CDKL5: variants seen among roughly 807,000 people sequenced by gnomAD.
The protein encoded by CDKL5 is cyclin dependent kinase like 5, also known as cyclin-dependent kinase-like 5.
Under a neutral mutation model 61.7 loss-of-function variants are expected in CDKL5, and 8 were observed. The ratio of observed to expected loss-of-function variants is 0.13; its 90% CI spans 0.08 to 0.23. The LOEUF is 0.23. Ranked by LOEUF, CDKL5 falls within the 10% of genes least tolerant of loss-of-function variation. CDKL5 has a pLI of 1.00. For missense variants in CDKL5, 440 were observed against 734.5 expected, an observed-to-expected ratio of 0.60 and a Z score of 4.63; for synonymous variants, 275 against 272.3, an observed-to-expected ratio of 1.01 and a Z score of -0.10.
intron 1 of CDKL5, among the ~76,000 whole-genome samples, chrX:18,463,130 G>A (rs1354181033): frequency 9.0e-6 from 1 of 110,515 alleles, no homozygotes; most frequent in African/African-American, 3.3e-5. Context: ...CTTGACAGCT[G>A]GCTGGTCAAG....
At chrX:18,441,977 C>T (rs190247866) in intron 1 of CDKL5, among the ~76,000 whole-genome samples, 20 of 111,275 alleles carry the variant, frequency 1.8e-4, no homozygotes, top group African/African-American at 6.2e-4. Flanking sequence ...ATGTGGAATC[C>T]TACCCCTCTC....
intron 15 of CDKL5, among the ~76,000 whole-genome samples, chrX:18,618,018 A>G (rs1190025313): frequency 8.9e-6 from 1 of 112,199 alleles, no homozygotes; most frequent in Admixed American, 9.4e-5. Context: ...TTCATCCTGC[A>G]TAGATTCTCC....
chrX:18,487,173 A>G (rs1921822689), intron 1 of CDKL5, among the ~76,000 whole-genome samples: 1 of 111,674 alleles, frequency 9.0e-6, no homozygotes, highest in Non-Finnish European at 1.9e-5. Context: ...CAGTGCTTTA[A>G]ATGATTACTG....
intron 8 of CDKL5, 37 bp downstream of exon 8, chrX:18,584,390 A>C (rs747862334): frequency 2.3e-6 from 2 of 860,868 alleles, no homozygotes; most frequent in Non-Finnish European, 3.5e-6. Flanking sequence ...ACATTTCCAC[A>C]TCTGCTGATT....
chrX:18,624,657 C>T (rs1926982588), intron 16 of CDKL5, among the ~76,000 whole-genome samples: 1 of 112,180 alleles, frequency 8.9e-6, no homozygotes, highest in African/African-American at 3.2e-5. Context: ...CATACTTTCT[C>T]ACTTTGCTAT....
At chrX:18,614,574 G>T in intron 15 of CDKL5, among the ~76,000 whole-genome samples, 1 of 112,228 alleles carries the variant, frequency 8.9e-6, no homozygotes, top group Admixed American at 9.4e-5. Context: ...GCCTGGCTCC[G>T]TAAGCATTCA....
downstream of CDKL5, chrX:18,642,163 A>G (rs1241552856): frequency 5.0e-6 from 6 of 1,210,090 alleles, no homozygotes; most frequent in African/African-American, 1.7e-5. Context: ...AGACCTAGAG[A>G]GATAGAGGAA....
chrX:18,639,553 G>C lies in CDKL5; in HGVS notation c.*10796G>C, dbSNP rs1927493921. Among the ~76,000 whole-genome samples the C allele has an allele frequency of 8.9e-6, 1 of 112,325 alleles. No homozygotes were observed. The highest frequency in any genetic ancestry group is 9.4e-5 in the Admixed American group (1 of 10,637). On this transcript the variant is annotated 3_prime_UTR_variant, in exon 18 of 18. Transcript: ENST00000623535. ...AAAGTGGAAGCCTCCTACATTGCTG[G>C]TGGAAATGTAAAATGATGCAGCCAC...
In CDKL5 at chrX:18,523,599, T is replaced by C. The variant is rs187451870; in HGVS notation, c.99+12745T>C. On this transcript the variant is annotated intron_variant, in intron 3 of 17. Transcript: ENST00000623535. ...TGTAATTAGACATCATCTATTACCA[T>C]TGAGTATTCGTGCTGTTACCTGTGG... Among the ~76,000 whole-genome samples the C allele has an allele frequency of 6.2e-5, 7 of 112,085 alleles. 1 individual carries two copies. Among genetic ancestry groups the C allele is most frequent in the Admixed American group, 5.7e-4 (6 of 10,535 alleles).
intron 1 of CDKL5, among the ~76,000 whole-genome samples, chrX:18,484,871 A>G (rs1334094553): frequency 9.3e-6 from 1 of 107,206 alleles, no homozygotes; most frequent in South Asian, 4.2e-4. Context: ...CGATCCTTCT[A>G]CCTCAGCCTC....
intron 3 of CDKL5, among the ~76,000 whole-genome samples, chrX:18,515,363 T>G (rs747562013): frequency 8.1e-5 from 9 of 111,663 alleles, no homozygotes; most frequent in Non-Finnish European, 1.5e-4. Flanking sequence ...TTATGAGAAG[T>G]TTTTGTTTGT....
chrX:18,491,266 A>G (rs769145203), intron 1 of CDKL5, among the ~76,000 whole-genome samples: 15 of 112,061 alleles, frequency 1.3e-4, no homozygotes, highest in Non-Finnish European at 2.6e-4. Context: ...TTTTGTGCTC[A>G]TTTTCAATTT....
chrX:18,520,976 C>T (rs527759764), intron 3 of CDKL5, among the ~76,000 whole-genome samples: 3 of 112,270 alleles, frequency 2.7e-5, no homozygotes, highest in African/African-American at 9.7e-5. Flanking sequence ...TGGCCTCCAG[C>T]GATCCACCTA....
intron 8 of CDKL5, among the ~76,000 whole-genome samples, chrX:18,586,223 C>T (rs1481904637): frequency 9.0e-6 from 1 of 111,505 alleles, no homozygotes; most frequent in Non-Finnish European, 1.9e-5. Flanking sequence ...GATTGATTTT[C>T]TTTGTGTTTG....
intron 1 of CDKL5, among the ~76,000 whole-genome samples, chrX:18,490,620 G>T (rs1013779231): frequency 9.0e-6 from 1 of 111,385 alleles, no homozygotes; most frequent in African/African-American, 3.3e-5. Flanking sequence ...TTAAAAAATT[G>T]TATCCTCTTT....
intron 4 of CDKL5, among the ~76,000 whole-genome samples, chrX:18,571,304 G>GTA (rs1364465184): frequency 9.0e-6 from 1 of 111,309 alleles, no homozygotes; most frequent in Non-Finnish European, 1.9e-5. Context: ...TCACTGTATT[G>GTA]TATACTATGC....
chrX:18,508,019 GACTCCTAAAAAAAA>G (rs1346359227), intron 2 of CDKL5, among the ~76,000 whole-genome samples: 2 of 110,946 alleles, frequency 1.8e-5, no homozygotes, highest in Non-Finnish European at 3.8e-5. Flanking sequence ...TGTATAAACT[GACTCCTAAAAAAAA>G]ATCATTTCTT....
intron 11 of CDKL5, 84 bp downstream of exon 11, chrX:18,598,697 T>A: frequency 1.1e-6 from 1 of 911,110 alleles, no homozygotes; most frequent in Non-Finnish European, 1.6e-6. Flanking sequence ...ATGATGCAAT[T>A]AGAGAAAAGA....
chrX:18,520,173 A>G (rs2147101629), intron 3 of CDKL5, among the ~76,000 whole-genome samples: 1 of 112,357 alleles, frequency 8.9e-6, no homozygotes, highest in South Asian at 3.7e-4. Context: ...AATGTTGTGC[A>G]ACCACCACCT....
Sources: allele counts gnomAD v4.1 joint callset (sites outside exome capture counted in the v4.1 genomes callset), GRCh38; gene constraint gnomAD v4.1.1; transcripts MANE v1.5; gene names NCBI Gene and HGNC (gene_info 2026-07-23, HGNC 2026-07-21).